AGL: variants seen among roughly 807,000 people sequenced by gnomAD.
AGL encodes the protein amylo-alpha-1,6-glucosidase and 4-alpha-glucanotransferase, also known as glycogen debranching enzyme.
A neutral mutation model predicts 199.3 loss-of-function variants in AGL; 128 were observed. The observed-to-expected ratio is 0.64, with a 90% confidence interval of 0.56 to 0.74. AGL has a LOEUF of 0.74. Ranked by LOEUF, AGL falls within the 30% of genes least tolerant of loss-of-function variation. The probability of loss-of-function intolerance (pLI) is 0.00; values close to 1 mark genes in which losing one functional copy is unlikely to be tolerated. For synonymous variants in AGL, 584 were observed against 594.7 expected, an observed-to-expected ratio of 0.98 and a Z score of 0.26; for missense variants, 1,809 against 1,820.8, an observed-to-expected ratio of 0.99 and a Z score of 0.12.
At chr1:99,882,907 CT>C (rs1652165567) in intron 17 of AGL, among the ~76,000 whole-genome samples, 1 of 152,060 alleles carries the variant, frequency 6.6e-6, no homozygotes, top group Admixed American at 6.6e-5. Context: ...CTAAAAGTTT[CT>C]TTAATTGTTC....
chr1:99,877,036 CTT>C (rs1557760084), intron 11 of AGL, among the ~76,000 whole-genome samples: 1 of 152,180 alleles, frequency 6.6e-6, no homozygotes. Context: ...CCCCCTCACT[CTT>C]AGTGTCTTGT....
At chr1:99,912,261 T>C (rs971847084) in intron 28 of AGL, 144 bp from the exon 29 acceptor site, 3 of 656,540 alleles carry the variant, frequency 4.6e-6, no homozygotes, top group Admixed American at 2.9e-5. Context: ...TTACATGATA[T>C]AGTACACATT....
At chr1:99,913,212 C>T (rs1011381388) in intron 29 of AGL, among the ~76,000 whole-genome samples, 4 of 149,616 alleles carry the variant, frequency 2.7e-5, no homozygotes, top group East Asian at 1.9e-4. Context: ...CAATACCAGA[C>T]GCTGTCTTAA....
At chr1:99,901,406 G>A (rs1249917448) in intron 26 of AGL, among the ~76,000 whole-genome samples, 1 of 125,446 alleles carries the variant, frequency 8.0e-6, no homozygotes, top group East Asian at 2.6e-4. Context: ...AAAAAAAAAA[G>A]AGGAAAGGAA....
chr1:99,852,668 G>C (rs758977632), intron 2 of AGL: 9 of 777,708 alleles, frequency 1.2e-5, no homozygotes, highest in Non-Finnish European at 1.9e-5. Context: ...AAGCCACCGG[G>C]CATGGCCCCA....
At chr1:99,905,201 T>TGG (rs941154051) in intron 27 of AGL, among the ~76,000 whole-genome samples, 1 of 146,360 alleles carries the variant, frequency 6.8e-6, no homozygotes, top group African/African-American at 2.5e-5. Context: ...CTGTGTGTGG[T>TGG]GGGGGGGTGG....
chr1:99,880,867 A>C, intron 14 of AGL, 72 bp downstream of exon 14: 1 of 1,525,138 alleles, frequency 6.6e-7, no homozygotes, highest in Middle Eastern at 1.7e-4. Flanking sequence ...ACACTTGGTC[A>C]CAATCATACC....
intron 27 of AGL, among the ~76,000 whole-genome samples, chr1:99,909,396 A>G (rs1570501692): frequency 6.6e-6 from 1 of 151,860 alleles, no homozygotes; most frequent in Non-Finnish European, 1.5e-5. Context: ...GCCATCTGCT[A>G]CCCCCAGGTA....
chr1:99,867,998 T>C (rs1650675032), intron 5 of AGL, among the ~76,000 whole-genome samples: 1 of 152,224 alleles, frequency 6.6e-6, no homozygotes, highest in African/African-American at 2.4e-5. Context: ...GCTGTTCTTA[T>C]CTTAAATAAA....
chr1:99,921,178 A>G (rs570272523), intron 33 of AGL, among the ~76,000 whole-genome samples: 4 of 151,530 alleles, frequency 2.6e-5, no homozygotes, highest in Admixed American at 1.3e-4. Context: ...TTACAGTTTT[A>G]TCAAGATCAC....
chr1:99,862,330 C>G lies in AGL; in HGVS notation c.367C>G (p.Pro123Ala), dbSNP rs372709840. The G allele has an allele frequency of 2.6e-5, 42 of 1,613,830 alleles. No individual in the cohort carries two copies. Among genetic ancestry groups the G allele is most frequent in the Non-Finnish European group, 3.5e-5 (41 of 1,179,988 alleles). Reference sequence around the variant, plus strand: ...TGTTGGTGCTGATAATCATGTGCTACCCTTGGACTGTGTTACTCTTCAGAC... The same window carrying G: ...TGTTGGTGCTGATAATCATGTGCTAGCCTTGGACTGTGTTACTCTTCAGAC... The part of the protein sequence containing the change: ...LRVGADNHVL[P>A]LDCVTLQTFL... The change falls in exon 4 of 34, where the codon CCC (proline) becomes GCC (alanine). Residue 123 changes from proline (P) to alanine (A), a missense_variant. Coordinates refer to ENST00000361915, the MANE Select transcript of AGL (RefSeq NM_000642.3).
intron 27 of AGL, 143 bp downstream of exon 27, chr1:99,902,937 T>A (rs1295449277): frequency 1.5e-6 from 1 of 654,424 alleles, no homozygotes; most frequent in Non-Finnish European, 2.6e-6. Context: ...TCTCACCAAG[T>A]TTTTAGTTTC....
At chr1:99,874,436 T>TC (rs1217540833) in intron 7 of AGL, 2 of 360,598 alleles carry the variant, frequency 5.5e-6, no homozygotes, top group African/African-American at 4.2e-5. Flanking sequence ...AATCCTTGTG[T>TC]CTTTCTTTTA....
chr1:99,923,461 T>C lies in AGL; in HGVS notation c.*1810T>C, dbSNP rs1418677121. On this transcript the variant is annotated 3_prime_UTR_variant, in exon 34 of 34. Transcript: ENST00000361915. ...CAAAAAAATTAAAAGTTCACAATTT[T>C]TTTAATGTAGCCATTTGGGGTTATC... The C allele has an allele frequency of 1.3e-5, 2 of 152,190 alleles. No individual in the cohort carries two copies. Among genetic ancestry groups the C allele is most frequent in the Non-Finnish European group, 2.9e-5 (2 of 68,024 alleles). The allele number at this position is 152,190 out of a possible 1,614,324, so 9.4% of individuals were successfully genotyped here. A position where few individuals can be genotyped will look rare whatever the true frequency, so the allele number is the denominator to read the frequency against.
chr1:99,861,303 G>C, intron 2 of AGL, 200 bp from the exon 3 acceptor site: 1 of 1,438,626 alleles, frequency 7.0e-7, no homozygotes, highest in South Asian at 1.5e-5. Flanking sequence ...ACAGCTCTAT[G>C]ATGTTTACTA....
At chr1:99,912,033 T>C (rs1207142744) in intron 28 of AGL, among the ~76,000 whole-genome samples, 1 of 152,194 alleles carries the variant, frequency 6.6e-6, no homozygotes. Context: ...AAAATGAGCT[T>C]TCAAATTAAT....
At chr1:99,855,254 C>T (rs1649327143) in intron 2 of AGL, among the ~76,000 whole-genome samples, 1 of 151,738 alleles carries the variant, frequency 6.6e-6, no homozygotes, top group African/African-American at 2.4e-5. Context: ...TTTTCAAGTT[C>T]AGAGGACTTG....
intron 2 of AGL, among the ~76,000 whole-genome samples, chr1:99,855,150 A>G (rs146811455): frequency 0.015 from 2,299 of 152,080 alleles, 33 homozygotes; most frequent in Middle Eastern, 0.088. Flanking sequence ...TCAGTAAGCC[A>G]AGATCGTGCC....
intron 2 of AGL, among the ~76,000 whole-genome samples, chr1:99,853,915 C>T (rs560075197): frequency 1.3e-4 from 19 of 149,136 alleles, no homozygotes; most frequent in Non-Finnish European, 2.1e-4. Flanking sequence ...AAGGGCCGGG[C>T]GCAGTGGCTC....
Sources: gnomAD v4.1 joint callset for allele counts (sites outside exome capture counted in the v4.1 genomes callset) on GRCh38, gnomAD v4.1.1 for gene constraint, MANE v1.5 for transcripts, NCBI Gene and HGNC (gene_info 2026-07-23, HGNC 2026-07-21) for gene names.